The following ANXA9 variants were observed in gnomAD, a reference collection of about 807,000 sequenced individuals.
The protein encoded by ANXA9 is annexin A9, also known as annexin 31.
In ANXA9, 47 loss-of-function variants were observed where a neutral mutation model predicts 51.8. That is an observed-to-expected ratio of 0.91 (90% CI 0.72 to 1.16). The LOEUF (loss-of-function observed/expected upper bound fraction) is 1.16. ANXA9 is among the 50% of genes most tolerant of loss of function. The pLI, the probability that ANXA9 is intolerant of heterozygous loss-of-function variation, is 0.00. For missense variants in ANXA9, 361 were observed against 424.7 expected, an observed-to-expected ratio of 0.85 and a Z score of 1.32; for synonymous variants, 154 against 168.7, an observed-to-expected ratio of 0.91 and a Z score of 0.68.
At chr1:150,988,770 G>A (rs181160179) in intron 12 of ANXA9, among the ~76,000 whole-genome samples, 98 of 152,224 alleles carry the variant, frequency 6.4e-4, no homozygotes, top group African/African-American at 2.3e-3. Context: ...ATATCCATCC[G>A]TATCTTATAG....
intron 4 of ANXA9, 64 bp from the exon 5 acceptor site, chr1:150,983,911 A>T: frequency 6.7e-7 from 1 of 1,500,912 alleles, no homozygotes; most frequent in East Asian, 2.4e-5. Context: ...TCCCTCCTCC[A>T]AGGAGTAGGA....
At chr1:150,986,254 G>A (rs189634639) in intron 7 of ANXA9, 82 bp from the exon 8 acceptor site, 112 of 1,245,424 alleles carry the variant, frequency 9.0e-5, no homozygotes, top group Non-Finnish European at 1.1e-4. Context: ...AGGGTATAGC[G>A]GGTCAGGCAT....
chr1:150,987,117 C>T (rs1199191748), intron 9 of ANXA9, among the ~76,000 whole-genome samples: 2 of 152,092 alleles, frequency 1.3e-5, no homozygotes, highest in Non-Finnish European at 1.5e-5. Context: ...CCTGTAATCC[C>T]AGCACTTTGG....
chr1:150,995,421 T>A lies in ANXA9; in HGVS notation c.*99T>A. ...CTGGGCCTCCAAGTAGGATAACCCC[T>A]CACTGAGCACCACATTCTCTAGCTT... is the stretch of plus-strand genomic sequence containing the variant. On this transcript the variant is annotated 3_prime_UTR_variant, in exon 14 of 14. Coordinates refer to ENST00000368947, the MANE Select transcript of ANXA9 (RefSeq NM_003568.3). 9.5e-7 allele frequency: 1 copy of A among 1,053,934 alleles called. No homozygotes were observed. Among genetic ancestry groups the A allele is most frequent in the Middle Eastern group, 3.2e-4 (1 of 3,118 alleles). 65.3% of individuals were successfully genotyped at this position (1,053,934 alleles called of 1,614,324 possible).
chr1:150,988,903 C>T (rs115960692), intron 12 of ANXA9, among the ~76,000 whole-genome samples: 524 of 152,104 alleles, frequency 3.4e-3, no homozygotes, highest in African/African-American at 0.011. Context: ...GTCAGCTATA[C>T]GATAAGTGCT....
upstream of ANXA9, among the ~76,000 whole-genome samples, chr1:150,979,113 C>T (rs1279641161): frequency 1.3e-5 from 2 of 151,240 alleles, no homozygotes; most frequent in Non-Finnish European, 2.9e-5. Context: ...AAAACAAAAC[C>T]TAGGGAGAGG....
chr1:150,986,917 A>G (rs1439998621), intron 9 of ANXA9, among the ~76,000 whole-genome samples: 3 of 152,202 alleles, frequency 2.0e-5, no homozygotes, highest in African/African-American at 7.2e-5. Flanking sequence ...TTGGGGGCAG[A>G]AAGCCTCCTC....
In ANXA9 at chr1:150,995,542, G is replaced by C. The variant is rs892240807; in HGVS notation, c.*220G>C. The C allele has an allele frequency of 2.1e-6, 1 of 472,402 alleles. No homozygotes were observed. Among genetic ancestry groups the C allele is most frequent in the African/African-American group, 2.0e-5 (1 of 49,318 alleles). 29.3% of individuals were successfully genotyped at this position (472,402 alleles called of 1,614,324 possible). On this transcript the variant is annotated 3_prime_UTR_variant, in exon 14 of 14. Transcript: ENST00000368947. ...GTCATCCAGCTCCTTCTTGGGTGTG[G>C]GGAAATGAGTTTTCTTTGATAGTTT...
At chr1:150,978,233 C>T (rs1326630365), upstream of ANXA9, among the ~76,000 whole-genome samples, 1 of 151,888 alleles carries the variant, frequency 6.6e-6, no homozygotes, top group Non-Finnish European at 1.5e-5. Flanking sequence ...GAGTTTGGGA[C>T]CAGCCTGGCC....
chr1:150,993,456 CT>C (rs1671752883), intron 12 of ANXA9, among the ~76,000 whole-genome samples: 2 of 151,652 alleles, frequency 1.3e-5, no homozygotes, highest in Admixed American at 1.3e-4. Flanking sequence ...TTATAGGCGC[CT>C]ACCACCACAC....
chr1:150,979,418 C>T (rs979887256), upstream of ANXA9, among the ~76,000 whole-genome samples: 2 of 152,126 alleles, frequency 1.3e-5, no homozygotes, highest in African/African-American at 4.8e-5. Flanking sequence ...GCTGCAGTAC[C>T]GTGTTTACCC....
At chr1:150,986,279 G>A (rs1671555040) in intron 7 of ANXA9, 57 bp from the exon 8 acceptor site, 6 of 1,523,156 alleles carry the variant, frequency 3.9e-6, no homozygotes, top group Non-Finnish European at 5.5e-6. Flanking sequence ...CAGGTCCTGG[G>A]GATATCTACA....
chr1:150,986,692 C>T (rs769175460), intron 9 of ANXA9, 31 bp downstream of exon 9: 15 of 1,552,230 alleles, frequency 9.7e-6, no homozygotes, highest in African/African-American at 5.6e-5. Flanking sequence ...TGTGCACAGC[C>T]GCCATGCACA....
In ANXA9 at chr1:150,985,970, C is replaced by T. The variant is rs587741945; in HGVS notation, c.473-366C>T. On this transcript the variant is annotated intron_variant, in intron 7 of 13. Coordinates refer to ENST00000368947, the MANE Select transcript of ANXA9 (RefSeq NM_003568.3). ...TCCTGCTCTTTTCCTTCCTCATATC[C>T]CACCTCTCATATCATTTTTCCTTAC... Among the ~76,000 whole-genome samples, 153 of 152,070 alleles carry T rather than the reference C, an allele frequency of 1.0e-3. 1 individual carries two copies. Among genetic ancestry groups the T allele is most frequent in the South Asian group, 7.1e-3 (34 of 4,812 alleles).
upstream of ANXA9, among the ~76,000 whole-genome samples, chr1:150,981,044 C>T (rs587648374): frequency 6.6e-6 from 1 of 152,236 alleles, no homozygotes; most frequent in African/African-American, 2.4e-5. Flanking sequence ...TGTCCCACAG[C>T]CTCCGTCTCT....
chr1:150,983,570 C>G (rs1168609753), intron 4 of ANXA9, 136 bp downstream of exon 4: 3 of 849,214 alleles, frequency 3.5e-6, no homozygotes, highest in Non-Finnish European at 5.5e-6. Flanking sequence ...TCAGGCGCCA[C>G]AGTAGGTGTG....
chr1:150,992,500 G>T (rs1284863816), intron 12 of ANXA9, among the ~76,000 whole-genome samples: 2 of 151,254 alleles, frequency 1.3e-5, no homozygotes, highest in Admixed American at 6.6e-5. Context: ...AGTGACCTGA[G>T]ATCGCACCAC....
chr1:150,983,095 C>T lies in ANXA9; in HGVS notation c.-11C>T. The T allele has an allele frequency of 6.2e-7, 1 of 1,613,026 alleles. No homozygotes were observed. The highest frequency in any genetic ancestry group is 2.2e-5 in the East Asian group (1 of 44,878). On this transcript the variant is annotated 5_prime_UTR_variant, in exon 3 of 14. Coordinates refer to ENST00000368947, the MANE Select transcript of ANXA9 (RefSeq NM_003568.3). ...GCTCCTGTTTCCTTCCCCAGGGCAACCAGTAGCACCATGTCTGTGACTGGC... is the reference window on the plus strand; with the variant it reads ...GCTCCTGTTTCCTTCCCCAGGGCAATCAGTAGCACCATGTCTGTGACTGGC...
chr1:150,986,317 G>A lies in ANXA9; in HGVS notation c.473-19G>A, dbSNP rs149877773. On this transcript the variant is annotated intron_variant, in intron 7 of 13. Coordinates refer to ENST00000368947, the MANE Select transcript of ANXA9 (RefSeq NM_003568.3). The stretch of plus-strand genomic sequence containing the variant: ...AGGAAAACTCAGGAGGATTCAGAGA[G>A]CTCCTCACCCCACCCCAGATTTCCA... 1.8e-3 allele frequency: 2,951 copies of A among 1,611,054 alleles called. 8 individuals are homozygous for A. Among genetic ancestry groups the A allele is most frequent in the Non-Finnish European group, 2.3e-3 (2,674 of 1,177,282 alleles).
Sources: gnomAD v4.1 joint callset for allele counts (sites outside exome capture counted in the v4.1 genomes callset) on GRCh38, gnomAD v4.1.1 for gene constraint, MANE v1.5 for transcripts, NCBI Gene and HGNC (gene_info 2026-07-23, HGNC 2026-07-21) for gene names.